The following RAI14 variants were observed in gnomAD, a reference collection of about 807,000 sequenced individuals.
The protein encoded by RAI14 is retinoic acid induced 14.
Under a neutral mutation model 115.4 loss-of-function variants are expected in RAI14, and 45 were observed. The ratio of observed to expected loss-of-function variants is 0.39; its 90% CI spans 0.31 to 0.50. RAI14 has a LOEUF of 0.50. RAI14 is among the 20% of genes least tolerant of loss of function. RAI14 has a pLI of 0.85. For missense variants in RAI14, 939 were observed against 1,131.2 expected (o/e 0.83, Z 2.44); for synonymous variants, 371 against 415.4 (o/e 0.89, Z 1.30).
intron 2 of RAI14, among the ~76,000 whole-genome samples, chr5:34,740,851 G>T (rs1745427894): frequency 6.6e-6 from 1 of 152,228 alleles, no homozygotes; most frequent in East Asian, 1.9e-4. Context: ...TTATTGGAGT[G>T]TAGGAAGGCT....
At chr5:34,736,442 T>A (rs1053864554) in intron 2 of RAI14, among the ~76,000 whole-genome samples, 5 of 152,128 alleles carry the variant, frequency 3.3e-5, no homozygotes, top group South Asian at 2.1e-4. Flanking sequence ...GTTTTTTTTT[T>A]AATTCCAAAC....
At chr5:34,720,360 C>G (rs866347448) in intron 2 of RAI14, among the ~76,000 whole-genome samples, 2 of 148,742 alleles carry the variant, frequency 1.3e-5, no homozygotes, top group Non-Finnish European at 3.0e-5. Flanking sequence ...AATGTTCAAT[C>G]GCTTCCAGAC....
intron 7 of RAI14, among the ~76,000 whole-genome samples, chr5:34,809,608 C>CTT (rs61391015): frequency 2.8e-5 from 4 of 143,744 alleles, no homozygotes; most frequent in Non-Finnish European, 1.5e-5. Flanking sequence ...GAGAGCTGCA[C>CTT]TTTTTTTTTT....
intron 13 of RAI14, among the ~76,000 whole-genome samples, chr5:34,821,226 G>A (rs1322114577): frequency 6.6e-6 from 1 of 152,178 alleles, no homozygotes; most frequent in Non-Finnish European, 1.5e-5. Flanking sequence ...AGGAAGACTG[G>A]TCTGACGTTG....
chr5:34,818,661 G>T, intron 12 of RAI14, 136 bp from the exon 13 acceptor site: 8 of 569,590 alleles, frequency 1.4e-5, no homozygotes, highest in South Asian at 3.4e-5. Flanking sequence ...TTCTTTCTTC[G>T]AGATTTTCTA....
chr5:34,749,103 C>A (rs1345107857), intron 2 of RAI14, among the ~76,000 whole-genome samples: 1 of 152,154 alleles, frequency 6.6e-6, no homozygotes, highest in South Asian at 2.1e-4. Flanking sequence ...GAATCTGAAA[C>A]CTTCCCAGTG....
rs558920425 is a variant in RAI14 at position 34,786,461 on chromosome 5, T to A, written c.168-9478T>A. The stretch of plus-strand genomic sequence containing the variant: ...AGTAGGGATGAACTTCTTCCTCCTT[T>A]GCCACTTTAGCTTTAGCTGGCAAAC... On this transcript the variant is annotated intron_variant, in intron 3 of 17. Transcript: ENST00000265109. Among the ~76,000 whole-genome samples, 22 of 152,338 alleles carry A rather than the reference T, an allele frequency of 1.4e-4. 1 individual carries two copies. In the South Asian group the frequency reaches 4.4e-3, roughly 30 times the overall value.
chr5:34,807,520 G>C lies in RAI14; in HGVS notation c.322-280G>C, dbSNP rs559203781. On this transcript the variant is annotated intron_variant, in intron 5 of 17. Coordinates refer to ENST00000265109, the MANE Select transcript of RAI14 (RefSeq NM_015577.3). The stretch of plus-strand genomic sequence containing the variant: ...GGGAAAAGAAAGGATTAAGATGAGA[G>C]AGCCTAGAGTATGTCTATTAGCTGG... 1.2e-4 allele frequency among the ~76,000 whole-genome samples: 19 copies of C among 152,158 alleles called. No individual in the cohort carries two copies. In the East Asian group the frequency reaches 3.5e-3, roughly 28 times the overall value.
intron 2 of RAI14, among the ~76,000 whole-genome samples, chr5:34,708,978 A>G (rs564201973): frequency 1.3e-5 from 2 of 152,126 alleles, no homozygotes; most frequent in East Asian, 1.9e-4. Flanking sequence ...CCCTATCTCT[A>G]TAAAAACTTT....
intron 2 of RAI14, among the ~76,000 whole-genome samples, chr5:34,708,957 A>C (rs1383650888): frequency 6.6e-6 from 1 of 152,016 alleles, no homozygotes; most frequent in Non-Finnish European, 1.5e-5. Context: ...AGTCTGGGCA[A>C]CATAGCAAGA....
At chr5:34,679,809 G>A (rs1418436384) in intron 1 of RAI14, among the ~76,000 whole-genome samples, 1 of 152,102 alleles carries the variant, frequency 6.6e-6, no homozygotes, top group Non-Finnish European at 1.5e-5. Flanking sequence ...CTTTTCTCTT[G>A]TACATGGTGA....
intron 3 of RAI14, among the ~76,000 whole-genome samples, chr5:34,761,081 C>T (rs571242661): frequency 1.1e-4 from 16 of 152,356 alleles, no homozygotes; most frequent in African/African-American, 3.4e-4. Context: ...ATTCTATTCT[C>T]TCTTCATGGT....
intron 3 of RAI14, among the ~76,000 whole-genome samples, chr5:34,764,566 T>A (rs1351603889): frequency 8.8e-5 from 11 of 125,556 alleles, no homozygotes; most frequent in South Asian, 5.0e-4. Context: ...TCTCTCTCTC[T>A]CTCTCACACA....
chr5:34,719,828 GCTGA>G (rs1163551401), intron 2 of RAI14, among the ~76,000 whole-genome samples: 3 of 152,090 alleles, frequency 2.0e-5, no homozygotes, highest in Non-Finnish European at 2.9e-5. Context: ...GAAGCCAAGG[GCTGA>G]CTTTCTTTCC....
At position 34,797,095 on chromosome 5, in the gene RAI14, A is replaced by C. The variant is rs181599117; in HGVS notation, c.256+1068A>C. Among the ~76,000 whole-genome samples, 59 of 152,242 alleles carry C rather than the reference A, an allele frequency of 3.9e-4. No homozygotes were observed. In the East Asian group the frequency reaches 0.011, roughly 27 times the overall value. Reference sequence around the variant, plus strand: ...GCCTGGGATTCTGCCCCTGCTGGCCACCCCAAAAGACCAAAGCAACCACTG... The same window carrying C: ...GCCTGGGATTCTGCCCCTGCTGGCCCCCCCAAAAGACCAAAGCAACCACTG... On this transcript the variant is annotated intron_variant, in intron 4 of 17. Coordinates refer to ENST00000265109, the MANE Select transcript of RAI14 (RefSeq NM_015577.3).
Position 34,765,865 on chromosome 5 carries a change from G to A in RAI14, c.167+8267G>A, listed in dbSNP as rs188366872. Among the ~76,000 whole-genome samples, 306 of 152,284 alleles carry A rather than the reference G, an allele frequency of 2.0e-3. 1 individual carries two copies. Among genetic ancestry groups the A allele is most frequent in the African/African-American group, 7.1e-3 (294 of 41,558 alleles). Reference sequence around the variant, plus strand: ...GAGGAAAAAGTGGTTTCATGGGCTGGGCCCATGGTCCCTGTGCTGTGTGCA... The same window carrying A: ...GAGGAAAAAGTGGTTTCATGGGCTGAGCCCATGGTCCCTGTGCTGTGTGCA... On this transcript the variant is annotated intron_variant, in intron 3 of 17. Coordinates refer to ENST00000265109, the MANE Select transcript of RAI14 (RefSeq NM_015577.3).
chr5:34,687,665 T>C (rs1319458806), intron 2 of RAI14: 1 of 1,551,206 alleles, frequency 6.4e-7, no homozygotes, highest in African/African-American at 1.4e-5. Context: ...TTCCAGATAC[T>C]TTGAGCAGAG....
intron 6 of RAI14, 141 bp from the exon 7 acceptor site, chr5:34,808,443 A>G (rs868603510): frequency 1.0e-5 from 8 of 764,866 alleles, no homozygotes; most frequent in Middle Eastern, 4.7e-4. Flanking sequence ...AACCTTCCTA[A>G]TACCATTTCT....
chr5:34,680,442 C>T (rs1744305873), intron 1 of RAI14, among the ~76,000 whole-genome samples: 1 of 152,202 alleles, frequency 6.6e-6, no homozygotes. Flanking sequence ...AACTAATTCA[C>T]TCCCGTAATA....
Sources: allele counts gnomAD v4.1 joint callset (sites outside exome capture counted in the v4.1 genomes callset), GRCh38; gene constraint gnomAD v4.1.1; transcripts MANE v1.5; gene names NCBI Gene and HGNC (gene_info 2026-07-23, HGNC 2026-07-21).